The following PTGER4 variants were observed in gnomAD, a reference collection of about 807,000 sequenced individuals.
The protein encoded by PTGER4 is prostaglandin E receptor 4.
Under a neutral mutation model 33.2 loss-of-function variants are expected in PTGER4, and 11 were observed. That is an observed-to-expected ratio of 0.33 (90% CI 0.21 to 0.55). PTGER4 has a LOEUF of 0.55. Ranked by LOEUF, PTGER4 falls within the 20% of genes least tolerant of loss-of-function variation. PTGER4 has a pLI of 0.92. For missense variants in PTGER4, 481 were observed against 650.2 expected (o/e 0.74, Z 2.83); for synonymous variants, 275 against 281.5 (o/e 0.98, Z 0.23).
the PTGER4 span, among the ~76,000 whole-genome samples, chr5:40,722,137 G>A: frequency 5.3e-5 from 8 of 151,316 alleles, no homozygotes; most frequent in East Asian, 3.9e-4. Flanking sequence ...CCCGGGAGGC[G>A]GAGGTTGCAG....
the PTGER4 span, among the ~76,000 whole-genome samples, chr5:40,719,012 C>T: frequency 6.6e-6 from 1 of 152,050 alleles, no homozygotes; most frequent in Non-Finnish European, 1.5e-5. Context: ...AAAATAAATA[C>T]CTCTTCATGG....
the PTGER4 span, among the ~76,000 whole-genome samples, chr5:40,723,756 T>C: frequency 2.6e-5 from 4 of 152,048 alleles, no homozygotes; most frequent in African/African-American, 9.7e-5. Flanking sequence ...TCCCAGCTAC[T>C]TGGGAGGCTG....
At chr5:40,727,921 T>G in the PTGER4 span, among the ~76,000 whole-genome samples, 1 of 152,180 alleles carries the variant, frequency 6.6e-6, no homozygotes, top group Non-Finnish European at 1.5e-5. Flanking sequence ...TAAGAAGTAA[T>G]TTGCTAATTG....
At chr5:40,695,097 T>C (rs1337697582), downstream of PTGER4, among the ~76,000 whole-genome samples, 2 of 151,350 alleles carry the variant, frequency 1.3e-5, no homozygotes, top group African/African-American at 4.9e-5. Flanking sequence ...TTAGAAAAGA[T>C]AGATTTGCAG....
chr5:40,711,153 C>T, the PTGER4 span, among the ~76,000 whole-genome samples: 1 of 151,878 alleles, frequency 6.6e-6, no homozygotes, highest in East Asian at 1.9e-4. Flanking sequence ...ATACTTACAG[C>T]TCATGAAGGA....
Position 40,681,494 on chromosome 5 carries a change from C to T in PTGER4, c.501C>T (p.Asp167=). ...GLGSSRLQYP[D]TWCFIDWTTN... is the part of the protein sequence containing the mutation. ...GTAGCTCGCGGCTGCAGTACCCAGA[C>T]ACCTGGTGCTTCATCGACTGGACCA... The change falls in exon 2 of 3, where the codon GAC becomes GAT. Residue 167 remains aspartate, a synonymous_variant. Transcript: ENST00000302472. The surrounding 1 kb of genome is among the most constrained non-coding windows in gnomAD (Gnocchi z 9.8). 1 of 1,613,474 alleles carries T rather than the reference C, an allele frequency of 6.2e-7. No homozygotes were observed. Among genetic ancestry groups the T allele is most frequent in the South Asian group, 1.1e-5 (1 of 91,084 alleles).
chr5:40,707,993 G>A, the PTGER4 span, among the ~76,000 whole-genome samples: 448 of 152,242 alleles, frequency 2.9e-3, 3 homozygotes, highest in African/African-American at 0.01. Context: ...CAAGAACAAA[G>A]ACACAACATA....
chr5:40,712,669 T>A, the PTGER4 span, among the ~76,000 whole-genome samples: 1 of 152,158 alleles, frequency 6.6e-6, no homozygotes, highest in African/African-American at 2.4e-5. Context: ...TCTCTGCAGT[T>A]ATGACAAATC....
the PTGER4 span, among the ~76,000 whole-genome samples, chr5:40,717,909 A>C: frequency 6.6e-6 from 1 of 152,080 alleles, no homozygotes; most frequent in South Asian, 2.1e-4. Flanking sequence ...AAAAATACAA[A>C]AAATTAGCCA....
At chr5:40,728,376 C>A in the PTGER4 span, 1 of 1,610,280 alleles carries the variant, frequency 6.2e-7, no homozygotes, top group Non-Finnish European at 8.5e-7. Flanking sequence ...AAGTTGAGCA[C>A]GTCCCAAAGT....
At chr5:40,686,767 A>C (rs1741333360) in intron 2 of PTGER4, among the ~76,000 whole-genome samples, 1 of 152,202 alleles carries the variant, frequency 6.6e-6, no homozygotes, top group African/African-American at 2.4e-5. Context: ...GTGTGGTAAC[A>C]TGTGCCTGTG....
chr5:40,722,592 GC>G, the PTGER4 span, among the ~76,000 whole-genome samples: 1 of 151,514 alleles, frequency 6.6e-6, no homozygotes, highest in Non-Finnish European at 1.5e-5. Context: ...TCTCTGACCG[GC>G]CGCCCCGTCT....
In PTGER4 at chr5:40,683,326, G is replaced by GA. The variant is rs1163904725; in HGVS notation, c.867+1468dup. On this transcript the variant is annotated intron_variant, in intron 2 of 2. Transcript: ENST00000302472. This position sits in a 1 kb window ranked among gnomAD's most constrained non-coding sequence, Gnocchi z 4.2. ...AGGTTCTTACCAATTTGTATAAACA[G>GA]AAGTAAATATAATAGGCCATAAGAG... Among the ~76,000 whole-genome samples the GA allele has an allele frequency of 6.6e-6, 1 of 152,172 alleles. No individual in the cohort carries two copies. The highest frequency in any genetic ancestry group is 1.5e-5 in the Non-Finnish European group (1 of 68,034).
Position 40,692,413 on chromosome 5 carries a change from C to T in PTGER4, c.*35C>T, listed in dbSNP as rs1741497724. On this transcript the variant is annotated 3_prime_UTR_variant, in exon 3 of 3. Coordinates refer to ENST00000302472, the MANE Select transcript of PTGER4 (RefSeq NM_000958.3). ...AAAGAAATACAGTACTGTTTCTGGA[C>T]CCTTATAAAATCCTGTGCAATAGAC... 2.0e-6 allele frequency: 3 copies of T among 1,534,290 alleles called. No homozygotes were observed. The highest frequency in any genetic ancestry group is 1.4e-5 in the African/African-American group (1 of 72,458).
chr5:40,735,851 G>A, the PTGER4 span, among the ~76,000 whole-genome samples: 2 of 152,130 alleles, frequency 1.3e-5, no homozygotes, highest in African/African-American at 2.4e-5. Flanking sequence ...CAACATGGAG[G>A]TCACTGATAA....
chr5:40,744,776 A>C, the PTGER4 span, among the ~76,000 whole-genome samples: 1 of 152,152 alleles, frequency 6.6e-6, no homozygotes, highest in Non-Finnish European at 1.5e-5. Flanking sequence ...TATTTTCTTC[A>C]CAGAGGACAA....
At position 40,692,297 on chromosome 5, in the gene PTGER4, G is replaced by C; in HGVS notation, c.1386G>C (p.Arg462Ser). The C allele has an allele frequency of 6.2e-7, 1 of 1,613,872 alleles. No individual in the cohort carries two copies. The highest frequency in any genetic ancestry group is 1.1e-5 in the South Asian group (1 of 91,082). ...TGGATGAGGCTGGTGGGAGCGGCAGGGCTGGGCCTGCCCCTAAGGGGAGCT... is the reference window on the plus strand; with the variant it reads ...TGGATGAGGCTGGTGGGAGCGGCAGCGCTGGGCCTGCCCCTAAGGGGAGCT... The part of the protein sequence containing the change: ...LLVDEAGGSG[R>S]AGPAPKGSSL... Residue 462 changes from arginine (R) to serine (S), a missense_variant, in exon 3 of 3, where the codon AGG becomes AGC. Arg to Ser is a moderately radical substitution (Grantham distance 110). Coordinates refer to ENST00000302472, the MANE Select transcript of PTGER4 (RefSeq NM_000958.3).
At chr5:40,735,226 G>A in the PTGER4 span, among the ~76,000 whole-genome samples, 1 of 152,192 alleles carries the variant, frequency 6.6e-6, no homozygotes, top group Non-Finnish European at 1.5e-5. Context: ...ATACAACAGT[G>A]AGACATGAAT....
the PTGER4 span, among the ~76,000 whole-genome samples, chr5:40,702,436 A>G: frequency 6.6e-6 from 1 of 152,350 alleles, no homozygotes; most frequent in East Asian, 1.9e-4. Context: ...CCTTAATGGT[A>G]AAGGGTTCAA....
Sources: gnomAD v4.1 joint callset for allele counts (sites outside exome capture counted in the v4.1 genomes callset) on GRCh38, gnomAD v4.1.1 for gene constraint, Gnocchi (gnomAD v3.1) non-coding constraint, MANE v1.5 for transcripts, NCBI Gene and HGNC (gene_info 2026-07-23, HGNC 2026-07-21) for gene names.